TAFA1: variants seen among roughly 807,000 people sequenced by gnomAD.
TAFA1 encodes chemokine-like protein TAFA-1.
TAFA1 carries 4 observed loss-of-function variants against 18.5 expected under a neutral mutation model. The ratio of observed to expected loss-of-function variants is 0.22; its 90% CI spans 0.11 to 0.49. TAFA1 has a LOEUF of 0.49. Ranked by LOEUF, TAFA1 falls within the 20% of genes least tolerant of loss-of-function variation. The pLI is 0.98. For synonymous variants in TAFA1, 56 were observed against 55.2 expected, an observed-to-expected ratio of 1.01 and a Z score of -0.06; for missense variants, 147 against 169.0, an observed-to-expected ratio of 0.87 and a Z score of 0.72.
intron 2 of TAFA1, among the ~76,000 whole-genome samples, chr3:68,203,579 T>G (rs933641123): frequency 6.6e-6 from 1 of 151,664 alleles, no homozygotes; most frequent in Non-Finnish European, 1.5e-5. Context: ...ATGATTGGGT[T>G]TCAGGATTTT....
At chr3:68,397,210 G>C (rs978940141) in intron 2 of TAFA1, among the ~76,000 whole-genome samples, 1 of 152,104 alleles carries the variant, frequency 6.6e-6, no homozygotes. Flanking sequence ...TTGTTACATA[G>C]GTATGCATCT....
chr3:68,461,969 A>G (rs1405783974), intron 3 of TAFA1, among the ~76,000 whole-genome samples: 4 of 152,128 alleles, frequency 2.6e-5, no homozygotes, highest in Non-Finnish European at 5.9e-5. Context: ...AAATCAAACT[A>G]TGCAGGAATA....
At chr3:68,507,232 C>A (rs113778673) in intron 3 of TAFA1, among the ~76,000 whole-genome samples, 1 of 152,022 alleles carries the variant, frequency 6.6e-6, no homozygotes, top group Non-Finnish European at 1.5e-5. Context: ...AGAGCCACCA[C>A]TGGGCCCTAA....
chr3:68,200,031 T>C (rs1479058149), intron 2 of TAFA1, among the ~76,000 whole-genome samples: 3 of 151,600 alleles, frequency 2.0e-5, no homozygotes, highest in Non-Finnish European at 4.4e-5. Context: ...TCTAGTTTAC[T>C]AAGTGTTTAA....
At chr3:68,498,983 T>C (rs1437016351) in intron 3 of TAFA1, among the ~76,000 whole-genome samples, 1 of 152,016 alleles carries the variant, frequency 6.6e-6, no homozygotes, top group Non-Finnish European at 1.5e-5. Context: ...GGCCTAGAAG[T>C]AAATTTTCTC....
chr3:68,230,429 T>C (rs2313285), intron 2 of TAFA1, among the ~76,000 whole-genome samples: 52,639 of 152,050 alleles, frequency 0.35, 9,462 homozygotes, highest in East Asian at 0.62. Flanking sequence ...GTTCCATCCA[T>C]GTTGTTGCAA....
intron 2 of TAFA1, among the ~76,000 whole-genome samples, chr3:68,355,165 C>G (rs1018686765): frequency 6.6e-6 from 1 of 151,868 alleles, no homozygotes; most frequent in African/African-American, 2.4e-5. Flanking sequence ...CAGATGGGGT[C>G]TATCATGCTC....
chr3:68,498,715 TTGG>T (rs2072596294), intron 3 of TAFA1, among the ~76,000 whole-genome samples: 1 of 132,208 alleles, frequency 7.6e-6, no homozygotes, highest in South Asian at 2.4e-4. Context: ...CCAAAGCCGT[TTGG>T]TGGCTTTTTT....
chr3:68,409,479 C>T (rs1363519580), intron 2 of TAFA1, among the ~76,000 whole-genome samples: 1 of 152,004 alleles, frequency 6.6e-6, no homozygotes. Context: ...TGGTCATTTC[C>T]CCTGCACTCT....
rs374161424 is a variant in TAFA1, at chr3:68,440,484, AAGG to A, written c.259+23072_259+23074del. 7.2e-4 allele frequency among the ~76,000 whole-genome samples: 109 copies of A among 152,084 alleles called. No homozygotes were observed. In the East Asian group the frequency reaches 0.019, roughly 26 times the overall value. ...ACATGCACAAACATGTTTTTAACAA[AAGG>A]AGGAGGAAATATGACAATTACAGCC... On this transcript the variant is annotated intron_variant, in intron 3 of 4. Transcript: ENST00000478136.
intron 2 of TAFA1, among the ~76,000 whole-genome samples, chr3:68,392,237 AACCAACAAAG>A (rs2070274454): frequency 6.6e-6 from 1 of 151,928 alleles, no homozygotes; most frequent in Non-Finnish European, 1.5e-5. Flanking sequence ...GCAGAATTTC[AACCAACAAAG>A]ATCAAAAAAG....
At chr3:68,197,108 G>A (rs2066419509) in intron 2 of TAFA1, among the ~76,000 whole-genome samples, 1 of 151,678 alleles carries the variant, frequency 6.6e-6, no homozygotes, top group Non-Finnish European at 1.5e-5. Context: ...CTTTAGACAT[G>A]CTTTAAACCC....
At chr3:68,253,762 A>G (rs1047800946) in intron 2 of TAFA1, among the ~76,000 whole-genome samples, 1 of 152,192 alleles carries the variant, frequency 6.6e-6, no homozygotes, top group Non-Finnish European at 1.5e-5. Flanking sequence ...CTAAATTAGA[A>G]GGTTAGATGT....
intron 2 of TAFA1, among the ~76,000 whole-genome samples, chr3:68,370,353 T>TATATACAC (rs776307736): frequency 2.4e-5 from 1 of 41,120 alleles, no homozygotes; most frequent in Non-Finnish European, 3.9e-5. Context: ...TATATATATA[T>TATATACAC]ACACACACAC....
In TAFA1 at chr3:68,262,332, TATATATATATATATATA is replaced by T. The variant is rs1559585883; in HGVS notation, c.119-154947_119-154931del. 7.2e-4 allele frequency among the ~76,000 whole-genome samples: 62 copies of T among 86,350 alleles called. 2 individuals are homozygous for T. Among genetic ancestry groups the T allele is most frequent in the African/African-American group, 2.0e-3 (45 of 22,196 alleles). The allele number at this position is 86,350 out of a possible 152,430, so 56.6% of individuals were successfully genotyped here. On this transcript the variant is annotated intron_variant, in intron 2 of 4. Coordinates refer to ENST00000478136, the MANE Select transcript of TAFA1 (RefSeq NM_213609.4). ...GTATATATATATATATATATATATATATATATATATATATATATATATATATTTCATGGGTATATTGA... is the reference window on the plus strand; with the variant it reads ...GTATATATATATATATATATATATATTATATATATTTCATGGGTATATTGA...
intron 2 of TAFA1, among the ~76,000 whole-genome samples, chr3:68,015,439 A>C (rs577857412): frequency 1.8e-4 from 28 of 152,112 alleles, no homozygotes; most frequent in Non-Finnish European, 3.5e-4. Flanking sequence ...GGCACATGCC[A>C]CCATGCCCAG....
At chr3:68,199,877 A>G (rs987619602) in intron 2 of TAFA1, among the ~76,000 whole-genome samples, 1 of 151,478 alleles carries the variant, frequency 6.6e-6, no homozygotes, top group African/African-American at 2.4e-5. Context: ...CAGTATGAAC[A>G]TTGAAAAGGA....
intron 2 of TAFA1, among the ~76,000 whole-genome samples, chr3:68,283,317 T>C (rs1159941617): frequency 6.6e-6 from 1 of 152,226 alleles, no homozygotes; most frequent in Non-Finnish European, 1.5e-5. Context: ...ACTTTTCTTA[T>C]AGTCTAACTA....
intron 2 of TAFA1, among the ~76,000 whole-genome samples, chr3:68,305,377 C>CTA (rs1236252185): frequency 2.1e-5 from 2 of 94,258 alleles, no homozygotes; most frequent in Non-Finnish European, 4.3e-5. Flanking sequence ...ATATAAATGG[C>CTA]TATATATATA....
Sources: gnomAD v4.1 joint callset for allele counts (sites outside exome capture counted in the v4.1 genomes callset) on GRCh38, gnomAD v4.1.1 for gene constraint, MANE v1.5 for transcripts, NCBI Gene and HGNC (gene_info 2026-07-23, HGNC 2026-07-21) for gene names.